Variants in FRMD4A observed in about 807,000 individuals in gnomAD.
FRMD4A encodes the protein FERM domain-containing protein 4A.
FRMD4A carries 29 observed loss-of-function variants against 129.1 expected under a neutral mutation model. That is an observed-to-expected ratio of 0.22 (90% confidence interval 0.17 to 0.31). FRMD4A has a LOEUF of 0.31. Among genes scored for constraint, FRMD4A ranks in the 10% least tolerant of loss-of-function variants. The pLI, the probability that FRMD4A is intolerant of heterozygous loss-of-function variation, is 1.00. For missense variants in FRMD4A, 1,272 were observed against 1,375.8 expected, an observed-to-expected ratio of 0.92 and a Z score of 1.19; for synonymous variants, 634 against 571.6, an observed-to-expected ratio of 1.11 and a Z score of -1.56.
At chr10:14,302,076 G>A (rs1010880783) in intron 2 of FRMD4A, among the ~76,000 whole-genome samples, 2 of 152,182 alleles carry the variant, frequency 1.3e-5, no homozygotes, top group African/African-American at 2.4e-5. Flanking sequence ...GTAATGGAAA[G>A]GGTTTGATTT....
intron 2 of FRMD4A, among the ~76,000 whole-genome samples, chr10:14,226,080 C>T (rs913477946): frequency 3.9e-5 from 6 of 152,088 alleles, no homozygotes; most frequent in African/African-American, 1.4e-4. Flanking sequence ...GTTACAGTAA[C>T]GTTCTCTCTC....
intron 6 of FRMD4A, among the ~76,000 whole-genome samples, chr10:13,769,499 G>A (rs1415031469): frequency 1.3e-5 from 2 of 152,024 alleles, no homozygotes; most frequent in Non-Finnish European, 2.9e-5. Context: ...TAATAGAGAC[G>A]AGGTTTCACC....
intron 2 of FRMD4A, among the ~76,000 whole-genome samples, chr10:13,972,537 G>A (rs975463689): frequency 3.4e-5 from 5 of 148,226 alleles, no homozygotes; most frequent in East Asian, 2.0e-4. Flanking sequence ...AACCTATCCC[G>A]TTTTTTTTTT....
intron 2 of FRMD4A, among the ~76,000 whole-genome samples, chr10:13,985,935 C>T (rs1442554337): frequency 1.3e-5 from 2 of 152,232 alleles, no homozygotes; most frequent in Admixed American, 1.3e-4. Context: ...GGCAGGACAG[C>T]ACCAACTGGC....
intron 2 of FRMD4A, among the ~76,000 whole-genome samples, chr10:14,119,673 G>A (rs1384608135): frequency 6.6e-6 from 1 of 152,128 alleles, no homozygotes; most frequent in Non-Finnish European, 1.5e-5. Flanking sequence ...GCTGCTCTCT[G>A]CTCTGATTAA....
intron 4 of FRMD4A, among the ~76,000 whole-genome samples, chr10:13,801,045 G>A (rs2093242350): frequency 1.3e-5 from 2 of 152,178 alleles, no homozygotes; most frequent in African/African-American, 2.4e-5. Flanking sequence ...TCAGGAGATC[G>A]AGACCATCCT....
At chr10:13,871,726 A>G (rs889606231) in intron 2 of FRMD4A, among the ~76,000 whole-genome samples, 2 of 152,160 alleles carry the variant, frequency 1.3e-5, no homozygotes, top group Non-Finnish European at 2.9e-5. Context: ...CAGCTGTTAG[A>G]TCCTCTTGCA....
intron 2 of FRMD4A, among the ~76,000 whole-genome samples, chr10:14,078,288 CT>C (rs2131728142): frequency 6.6e-6 from 1 of 152,310 alleles, no homozygotes; most frequent in African/African-American, 2.4e-5. Context: ...GGTCATTAAG[CT>C]GTGTCCTTTG....
intron 6 of FRMD4A, among the ~76,000 whole-genome samples, chr10:13,772,402 C>A (rs1395202844): frequency 2.0e-5 from 3 of 151,892 alleles, no homozygotes; most frequent in Admixed American, 6.6e-5. Context: ...GCTGGCCTAG[C>A]AAATTTCTCA....
At chr10:13,703,949 G>A (rs1408744491) in intron 13 of FRMD4A, among the ~76,000 whole-genome samples, 2 of 152,164 alleles carry the variant, frequency 1.3e-5, no homozygotes, top group Non-Finnish European at 2.9e-5. Context: ...AGGGTGCAGT[G>A]AGCCGAGATG....
intron 2 of FRMD4A, among the ~76,000 whole-genome samples, chr10:14,282,851 C>A (rs1012392394): frequency 2.0e-5 from 3 of 152,164 alleles, no homozygotes; most frequent in Non-Finnish European, 4.4e-5. Context: ...CTTCCTTCTG[C>A]CTACTGCTCT....
intron 2 of FRMD4A, among the ~76,000 whole-genome samples, chr10:13,960,924 C>T (rs2095442536): frequency 6.6e-6 from 1 of 152,140 alleles, no homozygotes; most frequent in Non-Finnish European, 1.5e-5. Context: ...ATCGAATGAT[C>T]CTATGGAAGG....
chr10:13,974,600 C>T (rs1193183980), intron 2 of FRMD4A, among the ~76,000 whole-genome samples: 4 of 152,168 alleles, frequency 2.6e-5, no homozygotes, highest in South Asian at 2.1e-4. Context: ...AATCTCAGCT[C>T]GCTGCAACCT....
chr10:14,229,200 T>C (rs1394158260), intron 2 of FRMD4A, among the ~76,000 whole-genome samples: 1 of 152,108 alleles, frequency 6.6e-6, no homozygotes, highest in Admixed American at 6.5e-5. Flanking sequence ...ACTTTCTCAT[T>C]TGACTAGTTC....
intron 3 of FRMD4A, among the ~76,000 whole-genome samples, chr10:13,851,249 G>C (rs571581726): frequency 1.3e-5 from 2 of 152,234 alleles, no homozygotes; most frequent in African/African-American, 4.8e-5. Context: ...AAAAGAAAAA[G>C]AATTGTAAAA....
chr10:14,122,346 CG>C (rs1838574201), intron 2 of FRMD4A, among the ~76,000 whole-genome samples: 1 of 152,062 alleles, frequency 6.6e-6, no homozygotes, highest in Non-Finnish European at 1.5e-5. Context: ...ACGTAAAAAA[CG>C]TTTTTAATTG....
chr10:14,173,684 C>A (rs1251204845), intron 2 of FRMD4A, among the ~76,000 whole-genome samples: 3 of 152,138 alleles, frequency 2.0e-5, no homozygotes, highest in Admixed American at 6.5e-5. Flanking sequence ...GTACTTCCTG[C>A]AAACGAACAG....
chr10:13,906,467 A>G (rs921502015), intron 2 of FRMD4A, among the ~76,000 whole-genome samples: 19 of 152,162 alleles, frequency 1.2e-4, no homozygotes, highest in African/African-American at 4.6e-4. Context: ...GCATGCTATG[A>G]GGGTTGCATT....
intron 2 of FRMD4A, among the ~76,000 whole-genome samples, chr10:14,231,823 A>G (rs1413991693): frequency 6.6e-6 from 1 of 152,080 alleles, no homozygotes; most frequent in East Asian, 1.9e-4. Context: ...TAGATGCTCG[A>G]TATTAGACCT....
Sources: allele counts gnomAD v4.1 joint callset (sites outside exome capture counted in the v4.1 genomes callset), GRCh38; gene constraint gnomAD v4.1.1; transcripts MANE v1.5; gene names NCBI Gene and HGNC (gene_info 2026-07-23, HGNC 2026-07-21).